The following LRRC49 variants were observed in gnomAD, a reference collection of about 807,000 sequenced individuals.
The protein encoded by LRRC49 is leucine-rich repeat-containing protein 49.
In LRRC49, 50 loss-of-function variants were observed where a neutral mutation model predicts 83.3. That is an observed-to-expected ratio of 0.60 (90% CI 0.48 to 0.76). The LOEUF (loss-of-function observed/expected upper bound fraction) is 0.76, where lower values mean the gene tolerates loss of function less well. Ranked by LOEUF, LRRC49 falls within the 30% of genes least tolerant of loss-of-function variation. The pLI, the probability that LRRC49 is intolerant of heterozygous loss-of-function variation, is 0.00. For missense variants in LRRC49, 704 were observed against 809.1 expected (o/e 0.87, Z 1.58); for synonymous variants, 286 against 283.3 (o/e 1.01, Z -0.10).
At position 71,040,545 on chromosome 15, in the gene LRRC49, C is replaced by T. The variant is rs141724579; in HGVS notation, c.1857+3213C>T. On this transcript the variant is annotated intron_variant, in intron 15 of 15. Transcript: ENST00000260382. ...TTAAAAGAGGATTCAAGCGGCCGGG[C>T]GCGGTGGCTCACACCTGTAATCCCA... Among the ~76,000 whole-genome samples, 593 of 152,140 alleles carry T rather than the reference C, an allele frequency of 3.9e-3. 4 individuals are homozygous for T. Among genetic ancestry groups the T allele is most frequent in the African/African-American group, 0.014 (564 of 41,532 alleles).
intron 4 of LRRC49, chr15:70,902,489 A>T (rs555233823): frequency 1.0e-4 from 16 of 152,382 alleles, no homozygotes; most frequent in East Asian, 3.9e-4. Context: ...CAAAGATATC[A>T]TAAAGTTAGG....
chr15:70,885,705 G>T (rs1351542790), intron 2 of LRRC49, among the ~76,000 whole-genome samples: 1 of 152,090 alleles, frequency 6.6e-6, no homozygotes, highest in African/African-American at 2.4e-5. Context: ...TAATAACATA[G>T]CTTCAAGATA....
intron 11 of LRRC49, among the ~76,000 whole-genome samples, chr15:70,993,866 A>G (rs991152351): frequency 6.6e-6 from 1 of 152,100 alleles, no homozygotes; most frequent in Non-Finnish European, 1.5e-5. Context: ...TCTTTTGGAG[A>G]TGGAGTCTCG....
At chr15:70,945,950 T>G (rs1328990054) in intron 8 of LRRC49, among the ~76,000 whole-genome samples, 6 of 152,184 alleles carry the variant, frequency 3.9e-5, no homozygotes, top group Non-Finnish European at 5.9e-5. Flanking sequence ...TTAAACATTT[T>G]TTAAATCAAC....
At chr15:71,031,727 G>A (rs1314298188) in intron 14 of LRRC49, among the ~76,000 whole-genome samples, 1 of 152,128 alleles carries the variant, frequency 6.6e-6, no homozygotes, top group Non-Finnish European at 1.5e-5. Flanking sequence ...GAGGAATCTA[G>A]AGAAGCAGTC....
At chr15:70,983,971 C>T in intron 10 of LRRC49, 123 bp from the exon 11 acceptor site, 3 of 692,722 alleles carry the variant, frequency 4.3e-6, no homozygotes, top group Non-Finnish European at 7.5e-6. Flanking sequence ...TGGGTATCTA[C>T]TTAAAAGGAA....
chr15:70,978,562 T>C (rs1429398797), intron 9 of LRRC49, among the ~76,000 whole-genome samples: 2 of 152,186 alleles, frequency 1.3e-5, no homozygotes, highest in Non-Finnish European at 2.9e-5. Flanking sequence ...TGAATAACCA[T>C]CAGGTTTTAA....
chr15:70,892,125 G>A, upstream of LRRC49: 2 of 1,613,858 alleles, frequency 1.2e-6, no homozygotes, highest in Admixed American at 1.7e-5. Context: ...ATGACCGAGC[G>A]GTCATTGCCT....
intron 7 of LRRC49, among the ~76,000 whole-genome samples, chr15:70,930,205 T>C (rs1216236437): frequency 6.6e-6 from 1 of 152,222 alleles, no homozygotes; most frequent in Non-Finnish European, 1.5e-5. Flanking sequence ...TACTCCTTGC[T>C]CCATGGACTG....
chr15:70,859,865 G>A, intron 1 of LRRC49: 2 of 769,212 alleles, frequency 2.6e-6, no homozygotes, highest in Non-Finnish European at 4.8e-6. Context: ...GCTGGCCTTG[G>A]GCATCAAAAC....
chr15:71,039,490 T>G (rs2039632738), intron 15 of LRRC49, among the ~76,000 whole-genome samples: 2 of 152,154 alleles, frequency 1.3e-5, no homozygotes, highest in Admixed American at 6.5e-5. Flanking sequence ...GATGCTCAAG[T>G]CCCTGATAAA....
At chr15:70,860,184 A>C in intron 1 of LRRC49, 1 of 660,840 alleles carries the variant, frequency 1.5e-6, no homozygotes, top group East Asian at 2.6e-5. Flanking sequence ...AGCCCCTCCC[A>C]TCCTACCCCT....
At chr15:70,935,378 C>T (rs1255021754) in intron 7 of LRRC49, among the ~76,000 whole-genome samples, 1 of 152,096 alleles carries the variant, frequency 6.6e-6, no homozygotes. Flanking sequence ...TTTTCCTTTG[C>T]TCCCTGAAAA....
intron 1 of LRRC49, chr15:70,854,096 G>A (rs2032579461): frequency 1.6e-6 from 2 of 1,268,584 alleles, no homozygotes; most frequent in Admixed American, 3.9e-5. Context: ...CATGGCTCGC[G>A]GGACTGCGGC....
chr15:70,971,432 A>T (rs1456154511), intron 9 of LRRC49, among the ~76,000 whole-genome samples: 1 of 152,208 alleles, frequency 6.6e-6, no homozygotes, highest in Non-Finnish European at 1.5e-5. Context: ...TGCTGAGAAG[A>T]CTGTATATTC....
At chr15:71,027,470 T>C (rs763743252) in intron 14 of LRRC49, among the ~76,000 whole-genome samples, 1 of 152,206 alleles carries the variant, frequency 6.6e-6, no homozygotes, top group Non-Finnish European at 1.5e-5. Context: ...TTTTATCTAA[T>C]TCTACAAGGA....
chr15:71,041,135 C>G (rs2039689485), intron 15 of LRRC49, among the ~76,000 whole-genome samples: 2 of 152,116 alleles, frequency 1.3e-5, no homozygotes, highest in South Asian at 4.1e-4. Flanking sequence ...CTAAGCCGTG[C>G]CTGGGTTCCT....
intron 4 of LRRC49, among the ~76,000 whole-genome samples, chr15:70,901,508 T>C (rs753874792): frequency 1.4e-4 from 21 of 152,124 alleles, no homozygotes; most frequent in Non-Finnish European, 2.5e-4. Flanking sequence ...GGAATGCTGT[T>C]CCTTCTCATA....
At chr15:70,898,154 A>G (rs2033915841) in intron 3 of LRRC49, among the ~76,000 whole-genome samples, 2 of 152,160 alleles carry the variant, frequency 1.3e-5, no homozygotes, top group South Asian at 2.1e-4. Context: ...CTATATAGTC[A>G]TACTTCCAAC....
Sources: allele counts gnomAD v4.1 joint callset (sites outside exome capture counted in the v4.1 genomes callset), GRCh38; gene constraint gnomAD v4.1.1; transcripts MANE v1.5; gene names NCBI Gene and HGNC (gene_info 2026-07-23, HGNC 2026-07-21).